Variants in OSBPL10 observed in about 807,000 individuals in gnomAD.
OSBPL10 encodes oxysterol-binding protein-related protein 10.
In OSBPL10, 49 loss-of-function variants were observed where a neutral mutation model predicts 81.7. That is an observed-to-expected ratio of 0.60 (90% CI 0.48 to 0.76). The LOEUF is 0.76. Ranked by LOEUF, OSBPL10 falls within the 30% of genes least tolerant of loss-of-function variation. The pLI, the probability that OSBPL10 is intolerant of heterozygous loss-of-function variation, is 0.00. For synonymous variants in OSBPL10, 419 were observed against 383.6 expected (o/e 1.09, Z -1.08); for missense variants, 923 against 987.8 (o/e 0.93, Z 0.88).
At position 31,761,813 on chromosome 3, in the gene OSBPL10, T is replaced by TAAAAAAAAAAA. The variant is rs34579457; in HGVS notation, c.730-13704_730-13694dup. Among the ~76,000 whole-genome samples, 47 of 107,498 alleles carry TAAAAAAAAAAA rather than the reference T, an allele frequency of 4.4e-4. 2 individuals are homozygous for TAAAAAAAAAAA. Among genetic ancestry groups the TAAAAAAAAAAA allele is most frequent in the African/African-American group, 2.7e-3 (42 of 15,680 alleles). 70.5% of individuals were successfully genotyped at this position (107,498 alleles called of 152,430 possible). On this transcript the variant is annotated intron_variant, in intron 4 of 11. Transcript: ENST00000396556. ...CTGGGCAACAGAGCAAGACTGTCTC[T>TAAAAAAAAAAA]AAAAAAAAAAAAAAAAAACCCTAAA...
intron 4 of OSBPL10, among the ~76,000 whole-genome samples, chr3:31,829,785 A>G (rs751697308): frequency 8.5e-5 from 13 of 152,226 alleles, no homozygotes; most frequent in Non-Finnish European, 1.3e-4. Context: ...ATTTACATCC[A>G]TATTTTTGTA....
At chr3:31,941,664 G>A (rs1048111680) in intron 1 of OSBPL10, among the ~76,000 whole-genome samples, 5 of 152,174 alleles carry the variant, frequency 3.3e-5, no homozygotes, top group African/African-American at 9.7e-5. Flanking sequence ...GTAGCTTTAA[G>A]AGAAGCAGCC....
chr3:31,803,516 T>A (rs1223083051), intron 4 of OSBPL10, among the ~76,000 whole-genome samples: 1 of 152,250 alleles, frequency 6.6e-6, no homozygotes, highest in East Asian at 1.9e-4. Flanking sequence ...CTTACAGAGA[T>A]GTTGCAAAAA....
In OSBPL10 at chr3:31,876,594, G is replaced by C. The variant is rs978316705; in HGVS notation, c.458-82C>G. On this transcript the variant is annotated intron_variant, in intron 2 of 11. Transcript: ENST00000396556. ...CAACTTATTTCTACACCCACCTAAG[G>C]GGGTGGGGAGCCTGGGGAGTGAGAG... 4.3e-5 allele frequency: 51 copies of C among 1,175,344 alleles called. No individual in the cohort carries two copies. The South Asian group carries it at 5.2e-4, about 12-fold the overall frequency. The allele number at this position is 1,175,344 out of a possible 1,614,324, so 72.8% of individuals were successfully genotyped here. A position where few individuals can be genotyped will look rare whatever the true frequency, so the allele number is the denominator to read the frequency against.
chr3:31,668,030 C>G (rs1276498170), intron 10 of OSBPL10, among the ~76,000 whole-genome samples: 1 of 152,152 alleles, frequency 6.6e-6, no homozygotes, highest in Admixed American at 6.5e-5. Flanking sequence ...TGATTTCTTT[C>G]TTTTGTTGCT....
At chr3:31,975,926 T>C (rs1476391873) in intron 1 of OSBPL10, among the ~76,000 whole-genome samples, 1 of 152,164 alleles carries the variant, frequency 6.6e-6, no homozygotes, top group Non-Finnish European at 1.5e-5. Flanking sequence ...TATACTCTAG[T>C]GTGGAGAGAC....
chr3:31,742,849 G>T (rs901012682), intron 5 of OSBPL10, among the ~76,000 whole-genome samples: 1 of 151,958 alleles, frequency 6.6e-6, no homozygotes, highest in Non-Finnish European at 1.5e-5. Context: ...AGTTTTGAGC[G>T]TGGTTCTGCC....
intron 3 of OSBPL10, among the ~76,000 whole-genome samples, chr3:31,856,437 A>C (rs1700914558): frequency 6.6e-6 from 1 of 152,184 alleles, no homozygotes; most frequent in Non-Finnish European, 1.5e-5. Context: ...TAAAACATGA[A>C]AGCAAAATTA....
intron 6 of OSBPL10, among the ~76,000 whole-genome samples, chr3:31,731,591 C>G (rs1018956018): frequency 6.6e-6 from 1 of 151,474 alleles, no homozygotes; most frequent in Non-Finnish European, 1.5e-5. Context: ...TGGGTTGAAG[C>G]GATTCTCCTG....
At chr3:31,679,750 GA>G (rs1559412116) in intron 8 of OSBPL10, among the ~76,000 whole-genome samples, 2 of 152,110 alleles carry the variant, frequency 1.3e-5, no homozygotes, top group African/African-American at 4.8e-5. Flanking sequence ...AAAAGGAAAA[GA>G]TTTTTTACCA....
At chr3:32,072,728 G>A (rs778722749) in intron 1 of OSBPL10, among the ~76,000 whole-genome samples, 1 of 152,108 alleles carries the variant, frequency 6.6e-6, no homozygotes, top group East Asian at 1.9e-4. Flanking sequence ...CCCAGGAGTG[G>A]CAAATTGACT....
At chr3:31,838,241 T>C (rs543826130) in intron 3 of OSBPL10, among the ~76,000 whole-genome samples, 1 of 152,292 alleles carries the variant, frequency 6.6e-6, no homozygotes, top group South Asian at 2.1e-4. Flanking sequence ...CCGGGCACTG[T>C]GGCTCAAGCC....
At chr3:32,075,985 C>T (rs558861855) in intron 1 of OSBPL10, among the ~76,000 whole-genome samples, 5 of 152,278 alleles carry the variant, frequency 3.3e-5, no homozygotes, top group African/African-American at 1.2e-4. Context: ...CTTTGTAATT[C>T]TCCCCATCCT....
intron 1 of OSBPL10, among the ~76,000 whole-genome samples, chr3:31,935,497 C>A (rs750053295): frequency 1.3e-5 from 2 of 150,882 alleles, no homozygotes; most frequent in Non-Finnish European, 2.9e-5. Flanking sequence ...AAAAAAAAAT[C>A]TACTCCTATG....
intron 1 of OSBPL10, among the ~76,000 whole-genome samples, chr3:31,888,791 G>A (rs1297472704): frequency 6.6e-6 from 1 of 152,124 alleles, no homozygotes; most frequent in Non-Finnish European, 1.5e-5. Context: ...AGGCCTGGTG[G>A]TGCATGCCTA....
chr3:31,762,802 T>C (rs1195326852), intron 4 of OSBPL10, among the ~76,000 whole-genome samples: 1 of 151,808 alleles, frequency 6.6e-6, no homozygotes, highest in Non-Finnish European at 1.5e-5. Flanking sequence ...TACACAATCC[T>C]GGGGCTGAAA....
intron 4 of OSBPL10, among the ~76,000 whole-genome samples, chr3:31,813,195 TAC>T (rs1187147448): frequency 6.6e-6 from 1 of 152,234 alleles, no homozygotes; most frequent in Admixed American, 6.5e-5. Context: ...AAAGAAATCT[TAC>T]AGTGTCTTTT....
At chr3:31,708,341 A>G (rs1388098690) in intron 6 of OSBPL10, among the ~76,000 whole-genome samples, 1 of 152,234 alleles carries the variant, frequency 6.6e-6, no homozygotes, top group African/African-American at 2.4e-5. Flanking sequence ...CAATATGTAC[A>G]GCATATTTAA....
At position 31,683,946 on chromosome 3, in the gene OSBPL10, C is replaced by T. The variant is rs779827630; in HGVS notation, c.1414G>A (p.Gly472Ser). ...TTGTAGGGCTTCTTGGCTAAAGCGC[C>T]CTTGCGGCCCTCGTGAAAGGCTGTG... The part of the protein sequence containing the change: ...YLTAFHEGRK[G>S]ALAKKPYNPI... Residue 472 changes from glycine to serine, a missense_variant, in exon 8 of 12, where the codon GGC (glycine) becomes AGC (serine). This residue lies in a region of OSBPL10 where 387 missense variants were observed against 436.3 expected (regional missense o/e 0.89). Coordinates refer to ENST00000396556, the MANE Select transcript of OSBPL10 (RefSeq NM_017784.5). 4 of 1,614,202 alleles carry T rather than the reference C, an allele frequency of 2.5e-6. 1 individual carries two copies. In the South Asian group the frequency reaches 4.4e-5, roughly 18 times the overall value.
Sources: allele counts gnomAD v4.1 joint callset (sites outside exome capture counted in the v4.1 genomes callset), GRCh38; gene constraint gnomAD v4.1.1; regional missense constraint gnomAD v4.1.1; transcripts MANE v1.5; gene names NCBI Gene and HGNC (gene_info 2026-07-23, HGNC 2026-07-21).